Variants in IL1RAPL2 observed in about 807,000 individuals in gnomAD.
IL1RAPL2 encodes interleukin 1 receptor accessory protein like 2, also known as X-linked interleukin-1 receptor accessory protein-like 2.
IL1RAPL2 carries 3 observed loss-of-function variants against 44.1 expected under a neutral mutation model. The observed-to-expected ratio is 0.07, with a 90% CI of 0.03 to 0.18. The LOEUF is 0.18. Ranked by LOEUF, IL1RAPL2 falls within the 10% of genes least tolerant of loss-of-function variation. IL1RAPL2 has a pLI of 1.00. For synonymous variants in IL1RAPL2, 181 were observed against 178.8 expected (o/e 1.01, Z -0.10); for missense variants, 391 against 496.4 (o/e 0.79, Z 2.02).
At chrX:104,835,072 T>G (rs1214353173) in intron 2 of IL1RAPL2, among the ~76,000 whole-genome samples, 2 of 112,210 alleles carry the variant, frequency 1.8e-5, no homozygotes, top group Non-Finnish European at 3.8e-5. Flanking sequence ...GATTGATCAT[T>G]GATCACATTA....
intron 5 of IL1RAPL2, among the ~76,000 whole-genome samples, chrX:105,460,793 G>A (rs747008004): frequency 1.8e-5 from 2 of 111,247 alleles, no homozygotes; most frequent in Non-Finnish European, 3.8e-5. Flanking sequence ...TTCAGATCAC[G>A]AAGTTTTACA....
intron 6 of IL1RAPL2, among the ~76,000 whole-genome samples, chrX:105,531,017 T>A (rs2036631398): frequency 8.9e-6 from 1 of 111,988 alleles, no homozygotes; most frequent in Non-Finnish European, 1.9e-5. Context: ...TCTTAGCTAT[T>A]GTGAACAGTG....
At chrX:105,260,404 C>A (rs1159055156) in intron 4 of IL1RAPL2, among the ~76,000 whole-genome samples, 1 of 111,787 alleles carries the variant, frequency 8.9e-6, no homozygotes, top group Admixed American at 9.4e-5. Context: ...ATTGGGGACT[C>A]ACTGAAAGAA....
At position 105,392,017 on chromosome X, in the gene IL1RAPL2, G is replaced by A. The variant is rs199799871; in HGVS notation, c.698-92296G>A. Reference sequence around the variant, plus strand: ...TTGTGGGGTGGGGGGAGGGGGAAGGGATAGCTTTAGGAGATATACCTAATG... The same window carrying A: ...TTGTGGGGTGGGGGGAGGGGGAAGGAATAGCTTTAGGAGATATACCTAATG... On this transcript the variant is annotated intron_variant, in intron 5 of 10. Transcript: ENST00000372582. Among the ~76,000 whole-genome samples, 34 of 91,573 alleles carry A rather than the reference G, an allele frequency of 3.7e-4. 2 individuals are homozygous for A. In the East Asian group the frequency reaches 0.012, roughly 33 times the overall value. 79.5% of individuals were successfully genotyped at this position (91,573 alleles called of 115,157 possible).
chrX:104,673,345 T>G (rs1424201892), intron 2 of IL1RAPL2, among the ~76,000 whole-genome samples: 1 of 111,541 alleles, frequency 9.0e-6, no homozygotes, highest in African/African-American at 3.3e-5. Flanking sequence ...CACCATTTAT[T>G]AAATAGGGAA....
intron 2 of IL1RAPL2, among the ~76,000 whole-genome samples, chrX:104,894,454 C>T (rs1923572493): frequency 8.9e-6 from 1 of 111,786 alleles, no homozygotes; most frequent in Non-Finnish European, 1.9e-5. Context: ...TTCACGTAGT[C>T]CCATATTTCT....
intron 5 of IL1RAPL2, among the ~76,000 whole-genome samples, chrX:105,354,511 G>C (rs1244379035): frequency 1.3e-5 from 1 of 74,364 alleles, no homozygotes; most frequent in Admixed American, 1.6e-4. Flanking sequence ...GTGGGGTGGG[G>C]GGAGGGGGAA....
intron 7 of IL1RAPL2, among the ~76,000 whole-genome samples, chrX:105,718,528 G>C (rs999623047): frequency 9.0e-6 from 1 of 111,247 alleles, no homozygotes; most frequent in Non-Finnish European, 1.9e-5. Context: ...CACATGAAAA[G>C]GTGTTTGACA....
intron 2 of IL1RAPL2, among the ~76,000 whole-genome samples, chrX:104,805,461 A>G (rs995255080): frequency 3.6e-5 from 4 of 112,064 alleles, no homozygotes; most frequent in Non-Finnish European, 3.8e-5. Context: ...CTACCTTAGA[A>G]TTGGACACAT....
At chrX:105,339,855 C>T (rs908008307) in intron 5 of IL1RAPL2, among the ~76,000 whole-genome samples, 3 of 111,270 alleles carry the variant, frequency 2.7e-5, no homozygotes, top group African/African-American at 9.8e-5. Flanking sequence ...GCTGGAGCCA[C>T]GGAAGCAGTC....
At position 104,569,979 on chromosome X, in the gene IL1RAPL2, C is replaced by T. The variant is rs190478155; in HGVS notation, c.-20+2928C>T. ...CCTGTAACTGCAGCAGTAATGATTA[C>T]AGCTGGGACTGTTGGAAGACAAATG... is the stretch of plus-strand genomic sequence containing the variant. On this transcript the variant is annotated intron_variant, in intron 1 of 10. Coordinates refer to ENST00000372582, the MANE Select transcript of IL1RAPL2 (RefSeq NM_017416.2). Among the ~76,000 whole-genome samples the T allele has an allele frequency of 4.5e-5, 5 of 112,347 alleles. No individual in the cohort carries two copies. In the East Asian group the frequency reaches 1.4e-3, roughly 31 times the overall value.
intron 5 of IL1RAPL2, among the ~76,000 whole-genome samples, chrX:105,422,045 A>T (rs951890511): frequency 8.9e-6 from 1 of 112,450 alleles, no homozygotes; most frequent in Admixed American, 9.4e-5. Context: ...CATTTTTACT[A>T]AAGACAAATT....
chrX:105,307,529 TTA>T (rs1414517120), intron 5 of IL1RAPL2, among the ~76,000 whole-genome samples: 1 of 45,752 alleles, frequency 2.2e-5, no homozygotes, highest in Non-Finnish European at 3.3e-5. Flanking sequence ...ATATTTTATA[TTA>T]TATATATTAT....
intron 6 of IL1RAPL2, among the ~76,000 whole-genome samples, chrX:105,714,081 A>G (rs1299740958): frequency 1.8e-5 from 2 of 111,033 alleles, no homozygotes; most frequent in Non-Finnish European, 3.8e-5. Context: ...CACAGACACA[A>G]TTTCATCACC....
At chrX:104,730,538 C>A (rs1298916513) in intron 2 of IL1RAPL2, among the ~76,000 whole-genome samples, 2 of 106,222 alleles carry the variant, frequency 1.9e-5, no homozygotes, top group African/African-American at 3.4e-5. Context: ...CATGTCCCTA[C>A]AAAGGACATG....
chrX:105,031,127 C>T (rs925289835), intron 2 of IL1RAPL2, among the ~76,000 whole-genome samples: 3 of 110,380 alleles, frequency 2.7e-5, no homozygotes, highest in African/African-American at 9.9e-5. Flanking sequence ...TGCTTATCAG[C>T]TTGAGGAGAT....
At chrX:104,642,743 C>A (rs888943637) in intron 1 of IL1RAPL2, among the ~76,000 whole-genome samples, 7 of 111,655 alleles carry the variant, frequency 6.3e-5, no homozygotes, top group Admixed American at 1.9e-4. Flanking sequence ...CCTCGGCCTC[C>A]CAAAGTGCTG....
intron 2 of IL1RAPL2, among the ~76,000 whole-genome samples, chrX:104,720,534 A>G (rs1931657405): frequency 8.9e-6 from 1 of 111,847 alleles, no homozygotes; most frequent in Non-Finnish European, 1.9e-5. Context: ...CGTAGAAATA[A>G]TAAGCACCTC....
chrX:105,337,385 A>G (rs2035036353), intron 5 of IL1RAPL2, among the ~76,000 whole-genome samples: 1 of 112,646 alleles, frequency 8.9e-6, no homozygotes, highest in Admixed American at 9.4e-5. Flanking sequence ...AATAATTCAC[A>G]GAGGAAAAGG....
Sources: allele counts gnomAD v4.1 joint callset (sites outside exome capture counted in the v4.1 genomes callset), GRCh38; gene constraint gnomAD v4.1.1; transcripts MANE v1.5; gene names NCBI Gene and HGNC (gene_info 2026-07-23, HGNC 2026-07-21).